Variants in MYCBP2 observed in about 807,000 individuals in gnomAD.
The protein encoded by MYCBP2 is MYC binding protein 2, also known as E3 ubiquitin-protein ligase MYCBP2.
A neutral mutation model predicts 525.3 loss-of-function variants in MYCBP2; 120 were observed. The observed-to-expected ratio is 0.23, with a 90% CI of 0.20 to 0.27. The LOEUF is 0.27. MYCBP2 is among the 10% of genes least tolerant of loss of function. The pLI, the probability that MYCBP2 is intolerant of heterozygous loss-of-function variation, is 1.00. For missense variants in MYCBP2, 4,149 were observed against 5,657.1 expected (o/e 0.73, Z 8.55); for synonymous variants, 1,894 against 1,955.8 (o/e 0.97, Z 0.83).
chr13:77,212,270 C>A (rs1233585845), intron 21 of MYCBP2, 110 bp from the exon 22 acceptor site: 17 of 872,568 alleles, frequency 1.9e-5, no homozygotes, highest in Non-Finnish European at 2.8e-5. Flanking sequence ...TTATTTTTCA[C>A]CAATTGTTAG....
intron 55 of MYCBP2, among the ~76,000 whole-genome samples, chr13:77,111,831 T>C (rs1164252593): frequency 6.6e-6 from 1 of 152,128 alleles, no homozygotes; most frequent in African/African-American, 2.4e-5. Flanking sequence ...TATTTAAAAT[T>C]CTGCAGAACA....
chr13:77,234,281 A>T (rs141115025), intron 17 of MYCBP2, among the ~76,000 whole-genome samples: 98 of 152,112 alleles, frequency 6.4e-4, no homozygotes, highest in African/African-American at 2.2e-3. Flanking sequence ...ACAGGTTACC[A>T]TTAACTGAAA....
At chr13:77,143,392 G>A (rs976717119) in intron 49 of MYCBP2, among the ~76,000 whole-genome samples, 1 of 152,124 alleles carries the variant, frequency 6.6e-6, no homozygotes, top group South Asian at 2.1e-4. Context: ...TTGGAGCTTG[G>A]ATAAACACTT....
intron 43 of MYCBP2, 109 bp downstream of exon 43, chr13:77,164,343 AAT>A (rs765293383): frequency 2.3e-4 from 160 of 682,892 alleles, no homozygotes; most frequent in Non-Finnish European, 4.0e-4. Flanking sequence ...ATTGCTCATG[AAT>A]ATATGAGATT....
chr13:77,225,810 C>A (rs2066174681), intron 18 of MYCBP2, among the ~76,000 whole-genome samples: 1 of 151,936 alleles, frequency 6.6e-6, no homozygotes, highest in African/African-American at 2.4e-5. Flanking sequence ...TGGATAAAAC[C>A]TTATGTAATA....
chr13:77,174,911 AATATATATTATATATATATAATAT>A (rs2059497270), intron 36 of MYCBP2, among the ~76,000 whole-genome samples: 1 of 27,530 alleles, frequency 3.6e-5, no homozygotes, highest in East Asian at 6.1e-4. Flanking sequence ...ATATATATAT[AATATATATTATATATATATAATAT>A]ATATATATTT....
At chr13:77,271,688 T>G (rs1462087526) in intron 5 of MYCBP2, among the ~76,000 whole-genome samples, 1 of 152,218 alleles carries the variant, frequency 6.6e-6, no homozygotes, top group Non-Finnish European at 1.5e-5. Context: ...GCCATCCACG[T>G]AAGACATGAC....
At chr13:77,076,710 T>TA in intron 68 of MYCBP2, 41 bp downstream of exon 68, 1 of 1,254,724 alleles carries the variant, frequency 8.0e-7, no homozygotes, top group Non-Finnish European at 1.1e-6. Context: ...AAAAAAAGAA[T>TA]AAAAAAGGGA....
At position 77,181,882 on chromosome 13, in the gene MYCBP2, A is replaced by T. The variant is rs1385553834; in HGVS notation, c.4760T>A (p.Leu1587His). 1 of 1,613,984 alleles carries T rather than the reference A, an allele frequency of 6.2e-7. No homozygotes were observed. The highest frequency in any genetic ancestry group is 1.1e-5 in the South Asian group (1 of 91,082). The change falls in exon 33 of 83, where the codon CTC (leucine) becomes CAC (histidine). Residue 1587 changes from leucine to histidine, a missense_variant. This residue lies in a region of MYCBP2 where 292 missense variants were observed against 330.5 expected (regional missense o/e 0.88). Transcript: ENST00000544440. ...CAGAGCTGACATAACAGCTGCAAGG[A>T]GTCGGCTACTTGATGTCTTGAAGTT... is the stretch of plus-strand genomic sequence containing the variant. ...EANFKTSSSR[L>H]LAAVMSALCH... is the part of the protein sequence containing the mutation.
At chr13:77,172,797 A>C (rs925137988) in intron 37 of MYCBP2, among the ~76,000 whole-genome samples, 20 of 152,212 alleles carry the variant, frequency 1.3e-4, no homozygotes, top group African/African-American at 4.3e-4. Flanking sequence ...ACTATAACGA[A>C]CATCCTTAAA....
intron 26 of MYCBP2, among the ~76,000 whole-genome samples, chr13:77,199,518 C>G (rs943513538): frequency 3.3e-5 from 5 of 152,242 alleles, no homozygotes; most frequent in African/African-American, 1.2e-4. Context: ...AGCCAAGAAG[C>G]TCCAACTGGG....
chr13:77,310,942 T>C (rs997528984), intron 1 of MYCBP2, among the ~76,000 whole-genome samples: 1 of 152,196 alleles, frequency 6.6e-6, no homozygotes, highest in Non-Finnish European at 1.5e-5. Context: ...TGTTTACAAC[T>C]ACTTTGGGCA....
intron 1 of MYCBP2, among the ~76,000 whole-genome samples, chr13:77,305,738 AATAC>A (rs1464035979): frequency 6.6e-6 from 1 of 152,124 alleles, no homozygotes; most frequent in East Asian, 1.9e-4. Flanking sequence ...GGAAAGAATA[AATAC>A]ATAATCAACA....
intron 23 of MYCBP2, among the ~76,000 whole-genome samples, chr13:77,210,685 A>C (rs1682544893): frequency 6.6e-6 from 1 of 152,220 alleles, no homozygotes. Context: ...TGTCTTTGGC[A>C]TAATTTCCTC....
chr13:77,227,827 A>G (rs2066515623), intron 18 of MYCBP2, among the ~76,000 whole-genome samples: 1 of 152,202 alleles, frequency 6.6e-6, no homozygotes, highest in African/African-American at 2.4e-5. Flanking sequence ...GAAGGAGATT[A>G]TTTTTAAAGG....
intron 17 of MYCBP2, 88 bp from the exon 18 acceptor site, chr13:77,233,351 T>C (rs1594166684): frequency 5.7e-6 from 6 of 1,060,326 alleles, no homozygotes; most frequent in South Asian, 5.6e-5. Context: ...CTAAAAAGCA[T>C]AAAAATTTAT....
rs558008588 is a variant in MYCBP2 at position 77,100,348 on chromosome 13, T to G, written c.8141-1335A>C. ...CCCAGTCTTTGTCAAGGGCAGGTAT[T>G]TTTGTCTGTTACTCTTCACTGATGT... On this transcript the variant is annotated intron_variant, in intron 55 of 82. Transcript: ENST00000544440. 4 of 152,192 alleles carry G rather than the reference T, an allele frequency of 2.6e-5. No individual in the cohort carries two copies. In the South Asian group the frequency reaches 8.3e-4, roughly 32 times the overall value. 9.4% of individuals were successfully genotyped at this position (152,192 alleles called of 1,614,324 possible).
At chr13:77,263,007 T>C (rs922481017) in intron 10 of MYCBP2, among the ~76,000 whole-genome samples, 9 of 151,964 alleles carry the variant, frequency 5.9e-5, no homozygotes, top group Admixed American at 3.3e-4. Flanking sequence ...AGGTCACTAT[T>C]AAACCTGGAG....
At chr13:77,310,344 T>C (rs952104958) in intron 1 of MYCBP2, among the ~76,000 whole-genome samples, 2 of 152,192 alleles carry the variant, frequency 1.3e-5, no homozygotes, top group Non-Finnish European at 2.9e-5. Flanking sequence ...CCAGCAACGA[T>C]TACCACCTAC....
Sources: allele counts gnomAD v4.1 joint callset (sites outside exome capture counted in the v4.1 genomes callset), GRCh38; gene constraint gnomAD v4.1.1; regional missense constraint gnomAD v4.1.1; transcripts MANE v1.5; gene names NCBI Gene and HGNC (gene_info 2026-07-23, HGNC 2026-07-21).